The following PIKFYVE variants were observed in gnomAD, a reference collection of about 807,000 sequenced individuals.
PIKFYVE encodes the protein phosphoinositide kinase, FYVE-type zinc finger containing, also known as 1-phosphatidylinositol 3-phosphate 5-kinase.
In PIKFYVE, 122 loss-of-function variants were observed where a neutral mutation model predicts 257.9. The observed-to-expected ratio is 0.47, with a 90% CI of 0.41 to 0.55. The LOEUF (loss-of-function observed/expected upper bound fraction) is 0.55, where lower values mean the gene tolerates loss of function less well. PIKFYVE is among the 20% of genes least tolerant of loss of function. PIKFYVE has a pLI of 0.00. For missense variants in PIKFYVE, 2,160 were observed against 2,536.6 expected (o/e 0.85, Z 3.19); for synonymous variants, 892 against 868.9 (o/e 1.03, Z -0.47).
intron 6 of PIKFYVE, among the ~76,000 whole-genome samples, chr2:208,287,814 G>A (rs1691780176): frequency 6.6e-6 from 1 of 152,004 alleles, no homozygotes; most frequent in African/African-American, 2.4e-5. Flanking sequence ...TGGCCAGGCT[G>A]GTCTCGAATT....
chr2:208,322,963 G>T (rs997436129), intron 17 of PIKFYVE, among the ~76,000 whole-genome samples: 1 of 149,194 alleles, frequency 6.7e-6, no homozygotes, highest in Non-Finnish European at 1.5e-5. Flanking sequence ...TTTTGTCCTT[G>T]TGATAGTTTG....
chr2:208,274,789 C>T (rs1019533287), intron 3 of PIKFYVE, among the ~76,000 whole-genome samples: 1 of 149,988 alleles, frequency 6.7e-6, no homozygotes, highest in African/African-American at 2.5e-5. Flanking sequence ...CCTCAATAAA[C>T]TCTCCTTAGC....
At chr2:208,276,629 G>T in intron 3 of PIKFYVE, 83 bp from the exon 4 acceptor site, 1 of 947,680 alleles carries the variant, frequency 1.1e-6, no homozygotes, top group Non-Finnish European at 1.7e-6. Flanking sequence ...ACAATAAGAG[G>T]CAGTTTCCAT....
At chr2:208,300,221 G>A (rs1693512716) in intron 8 of PIKFYVE, among the ~76,000 whole-genome samples, 1 of 152,156 alleles carries the variant, frequency 6.6e-6, no homozygotes, top group South Asian at 2.1e-4. Flanking sequence ...TAAACTGAAG[G>A]ACTTGAACTG....
rs1204616491 is a variant in PIKFYVE at position 208,277,705 on chromosome 2, A to C, written c.610A>C (p.Thr204Pro). ...AATCCCTGGAAAATTTATGGGCTATACAGGTAAATGCATTTTATTGCCAGT... is the reference window on the plus strand; with the variant it reads ...AATCCCTGGAAAATTTATGGGCTATCCAGGTAAATGCATTTTATTGCCAGT... ...QEIPGKFMGY[T>P]GDLRACTYCR... The change falls in exon 5 of 42, where the codon ACA becomes CCA. Residue 204 changes from threonine (T) to proline (P), a missense_variant. Coordinates refer to ENST00000264380, the MANE Select transcript of PIKFYVE (RefSeq NM_015040.4). The C allele has an allele frequency of 6.2e-7, 1 of 1,613,662 alleles. No homozygotes were observed. Among genetic ancestry groups the C allele is most frequent in the South Asian group, 1.1e-5 (1 of 91,076 alleles).
chr2:208,301,231 T>TAA, intron 9 of PIKFYVE, 137 bp downstream of exon 9: 1 of 1,120,208 alleles, frequency 8.9e-7, no homozygotes, highest in Non-Finnish European at 1.3e-6. Context: ...TTTAGGGTGC[T>TAA]AATTACTTAA....
intron 5 of PIKFYVE, among the ~76,000 whole-genome samples, chr2:208,281,082 C>A (rs1469330527): frequency 6.6e-6 from 1 of 152,198 alleles, no homozygotes; most frequent in Non-Finnish European, 1.5e-5. Flanking sequence ...GGATTCGGGG[C>A]CTCCCCTCAC....
intron 2 of PIKFYVE, among the ~76,000 whole-genome samples, chr2:208,272,191 C>T (rs1043602413): frequency 6.6e-6 from 1 of 151,370 alleles, no homozygotes; most frequent in South Asian, 2.1e-4. Context: ...GCCGAGATTG[C>T]GCGACTGTAC....
At position 208,314,409 on chromosome 2, in the gene PIKFYVE, C is replaced by CCTGAGGGAGGAGA. The variant is rs1287979034; in HGVS notation, c.1812_1813insCTGAGGGAGGAGA (p.Met605LeufsTer12). 6.2e-7 allele frequency: 1 copy of CCTGAGGGAGGAGA among 1,613,852 alleles called. No individual in the cohort carries two copies. Among genetic ancestry groups the CCTGAGGGAGGAGA allele is most frequent in the African/African-American group, 1.3e-5 (1 of 75,016 alleles). On this transcript the variant is annotated frameshift_variant, in exon 14 of 42. Coordinates refer to ENST00000264380, the MANE Select transcript of PIKFYVE (RefSeq NM_015040.4). LOFTEE classifies it high-confidence loss of function. ...GGGAGGAGAATGGGGAGAAACAAGCCATGGAGAGGTTGCTGTAAGGCAATG... is the reference window on the plus strand; with the variant it reads ...GGGAGGAGAATGGGGAGAAACAAGCCCTGAGGGAGGAGAATGGAGAGGTTGCTGTAAGGCAATG...
At chr2:208,271,890 A>C (rs1280763055) in intron 2 of PIKFYVE, among the ~76,000 whole-genome samples, 199 bp downstream of exon 2, 2 of 152,186 alleles carry the variant, frequency 1.3e-5, no homozygotes, top group African/African-American at 4.8e-5. Context: ...AGAAAGCTAG[A>C]ATTTTCACTG....
At chr2:208,345,969 CG>C in intron 33 of PIKFYVE, 80 bp from the exon 34 acceptor site, 1 of 946,360 alleles carries the variant, frequency 1.1e-6, no homozygotes. Context: ...CAGTGTACAG[CG>C]TAATTAGTGT....
intron 2 of PIKFYVE, among the ~76,000 whole-genome samples, chr2:208,272,149 G>A (rs572140741): frequency 1.1e-4 from 16 of 152,104 alleles, no homozygotes; most frequent in African/African-American, 3.9e-4. Context: ...GCAGGAGAAT[G>A]GCGTGAACCC....
intron 16 of PIKFYVE, among the ~76,000 whole-genome samples, chr2:208,319,655 A>G (rs1021440019): frequency 3.9e-5 from 6 of 152,180 alleles, no homozygotes; most frequent in Non-Finnish European, 7.3e-5. Context: ...TGAAACCTCA[A>G]TTGCTATTCT....
chr2:208,285,696 CTTGTTT>C lies in PIKFYVE; in HGVS notation c.614-15_614-10del, dbSNP rs762345714. 1.4e-4 allele frequency: 216 copies of C among 1,579,312 alleles called. No homozygotes were observed. The East Asian group carries it at 2.8e-3, about 21-fold the overall frequency. On this transcript the variant is annotated intron_variant, in intron 5 of 41. Coordinates refer to ENST00000264380, the MANE Select transcript of PIKFYVE (RefSeq NM_015040.4). ...TACTGCTATCTTTTCCTTCAATTTC[CTTGTTT>C]TTGTTTTTGTTTTTTTCTCCTAGGA...
At chr2:208,344,025 G>A (rs971472741) in intron 32 of PIKFYVE, among the ~76,000 whole-genome samples, 1 of 151,630 alleles carries the variant, frequency 6.6e-6, no homozygotes, top group South Asian at 2.1e-4. Flanking sequence ...TCACCATGTT[G>A]GCCGGGATGG....
chr2:208,305,353 C>G (rs1250662650), intron 12 of PIKFYVE: 1 of 1,149,404 alleles, frequency 8.7e-7, no homozygotes, highest in South Asian at 2.2e-5. Flanking sequence ...ATTCTTTTCT[C>G]TTTCTTCATT....
intron 6 of PIKFYVE, among the ~76,000 whole-genome samples, chr2:208,287,846 C>T (rs1439483633): frequency 1.3e-5 from 2 of 152,000 alleles, no homozygotes; most frequent in East Asian, 3.9e-4. Flanking sequence ...GTGATTTGCC[C>T]GCCTCCCAAA....
In PIKFYVE at chr2:208,325,808, G is replaced by T. The variant is rs781096648; in HGVS notation, c.2997G>T (p.Leu999Phe). 1.1e-5 allele frequency: 17 copies of T among 1,614,090 alleles called. No homozygotes were observed. In the East Asian group the frequency reaches 2.7e-4, roughly 25 times the overall value. ...TAGGCAGCGAGCAGCCAGAGACTTTGCAGCAAACAGTTGTGCTGCAGGATC... is the reference window on the plus strand; with the variant it reads ...TAGGCAGCGAGCAGCCAGAGACTTTTCAGCAAACAGTTGTGCTGCAGGATC... ...DALGSEQPETLQQTVVLQDPK... is the reference protein window; with the variant it reads ...DALGSEQPETFQQTVVLQDPK... Residue 999 changes from leucine (L) to phenylalanine (F), a missense_variant, in exon 20 of 42, where the codon TTG (leucine) becomes TTT (phenylalanine). Coordinates refer to ENST00000264380, the MANE Select transcript of PIKFYVE (RefSeq NM_015040.4).
chr2:208,333,058 C>A (rs1697733274), intron 23 of PIKFYVE, among the ~76,000 whole-genome samples: 1 of 151,870 alleles, frequency 6.6e-6, no homozygotes, highest in South Asian at 2.1e-4. Context: ...CATCGTGAAA[C>A]CCTGTCTCTA....
Sources: gnomAD v4.1 joint callset for allele counts (sites outside exome capture counted in the v4.1 genomes callset) on GRCh38, gnomAD v4.1.1 for gene constraint, MANE v1.5 for transcripts, NCBI Gene and HGNC (gene_info 2026-07-23, HGNC 2026-07-21) for gene names.